CRACD: variants seen among roughly 807,000 people sequenced by gnomAD.
The protein encoded by CRACD is capping protein inhibiting regulator of actin dynamics, also known as capping protein-inhibiting regulator of actin dynamics.
CRACD carries 56 observed loss-of-function variants against 106.8 expected under a neutral mutation model. The observed-to-expected ratio is 0.52, with a 90% CI of 0.42 to 0.66. CRACD has a LOEUF of 0.66. Ranked by LOEUF, CRACD falls within the 30% of genes least tolerant of loss-of-function variation. The probability of loss-of-function intolerance (pLI) is 0.00; values close to 1 mark genes in which losing one functional copy is unlikely to be tolerated. For missense variants in CRACD, 1,730 were observed against 1,623.2 expected, an observed-to-expected ratio of 1.07 and a Z score of -1.13; for synonymous variants, 754 against 670.8, an observed-to-expected ratio of 1.12 and a Z score of -1.92.
chr4:56,241,332 A>G (rs1404592105), intron 2 of CRACD, among the ~76,000 whole-genome samples: 4 of 152,128 alleles, frequency 2.6e-5, no homozygotes, highest in African/African-American at 9.7e-5. Context: ...CAGTTCTCCA[A>G]GATAAACTTT....
intron 3 of CRACD, among the ~76,000 whole-genome samples, chr4:56,291,357 C>T (rs943837211): frequency 2.0e-5 from 3 of 152,204 alleles, no homozygotes; most frequent in Non-Finnish European, 2.9e-5. Flanking sequence ...TAAATTGCCT[C>T]TCCACCTCCC....
chr4:56,180,178 A>G (rs1577716560), intron 2 of CRACD, among the ~76,000 whole-genome samples: 1 of 151,972 alleles, frequency 6.6e-6, no homozygotes, highest in Non-Finnish European at 1.5e-5. Flanking sequence ...GGCATTCCTC[A>G]TCTGCCTCCC....
At chr4:56,112,881 T>C (rs1734165316) in intron 1 of CRACD, among the ~76,000 whole-genome samples, 3 of 152,136 alleles carry the variant, frequency 2.0e-5, no homozygotes, top group Non-Finnish European at 4.4e-5. Context: ...TCCTGCTGCA[T>C]CACATTATTG....
chr4:56,237,771 C>T (rs1444772203), intron 2 of CRACD, among the ~76,000 whole-genome samples: 1 of 151,286 alleles, frequency 6.6e-6, no homozygotes, highest in African/African-American at 2.4e-5. Flanking sequence ...CAAACACATA[C>T]ACATACACAT....
chr4:56,235,172 G>T (rs954787126), intron 2 of CRACD, among the ~76,000 whole-genome samples: 1 of 152,180 alleles, frequency 6.6e-6, no homozygotes, highest in Non-Finnish European at 1.5e-5. Flanking sequence ...GGAAAAAATT[G>T]TAAAAACACC....
At chr4:56,242,048 A>G (rs867516269) in intron 2 of CRACD, among the ~76,000 whole-genome samples, 2 of 152,192 alleles carry the variant, frequency 1.3e-5, no homozygotes, top group African/African-American at 4.8e-5. Flanking sequence ...TTGAATGACA[A>G]AGTAAGAAGC....
intron 1 of CRACD, among the ~76,000 whole-genome samples, chr4:56,059,965 T>A (rs1330006771): frequency 6.6e-6 from 1 of 152,198 alleles, no homozygotes; most frequent in African/African-American, 2.4e-5. Context: ...ATTACAGGTG[T>A]GAGCCACTGC....
chr4:56,278,147 T>A (rs1742785322), intron 3 of CRACD, among the ~76,000 whole-genome samples: 1 of 152,182 alleles, frequency 6.6e-6, no homozygotes, highest in Admixed American at 6.5e-5. Flanking sequence ...CCCCCAGAAA[T>A]TAGAAGTGGA....
chr4:56,104,962 G>A (rs1368253964), intron 1 of CRACD, among the ~76,000 whole-genome samples: 4 of 123,026 alleles, frequency 3.3e-5, no homozygotes, highest in Non-Finnish European at 6.5e-5. Flanking sequence ...GCAAGACTCC[G>A]TCTCAAAAAA....
In CRACD at chr4:56,292,305, G is replaced by A. The variant is rs573952341; in HGVS notation, c.-16-5909G>A. On this transcript the variant is annotated intron_variant, in intron 3 of 10. Transcript: ENST00000682029. ...AGTTTACACGCAGATATGCCAAGGA[G>A]GGGGACCTTAGGAAATAACCCAGGC... Among the ~76,000 whole-genome samples the A allele has an allele frequency of 7.9e-5, 12 of 152,326 alleles. No homozygotes were observed. In the East Asian group the frequency reaches 2.1e-3, roughly 27 times the overall value.
At chr4:56,167,229 GTAGAA>G (rs1243117964) in intron 1 of CRACD, among the ~76,000 whole-genome samples, 2 of 152,052 alleles carry the variant, frequency 1.3e-5, no homozygotes, top group Non-Finnish European at 2.9e-5. Context: ...TGTTATATCT[GTAGAA>G]CTATTAAAAA....
chr4:56,311,803 T>A (rs534774604), intron 6 of CRACD, among the ~76,000 whole-genome samples: 8 of 152,322 alleles, frequency 5.3e-5, no homozygotes, highest in African/African-American at 1.9e-4. Context: ...TCGGAGCTGC[T>A]GGCATAGTGC....
At chr4:56,084,243 C>T (rs1262020469) in intron 1 of CRACD, among the ~76,000 whole-genome samples, 7 of 152,100 alleles carry the variant, frequency 4.6e-5, no homozygotes, top group Admixed American at 3.3e-4. Flanking sequence ...TCACGAACTA[C>T]GTTTGGCTGA....
Position 56,057,799 on chromosome 4 carries a change from ATTTTTTTTTTTTTTGTTTTTTT to A in CRACD, c.-336+8515_-336+8536del, listed in dbSNP as rs1732131086. Among the ~76,000 whole-genome samples the A allele has an allele frequency of 4.6e-5, 2 of 43,482 alleles. 1 individual carries two copies. Among genetic ancestry groups the A allele is most frequent in the Non-Finnish European group, 9.1e-5 (2 of 21,940 alleles). 28.5% of individuals were successfully genotyped at this position (43,482 alleles called of 152,430 possible). A position where few individuals can be genotyped will look rare whatever the true frequency, so the allele number is the denominator to read the frequency against. ...CCACCACACCTGGCTCATTTTTTGT[ATTTTTTTTTTTTTTGTTTTTTT>A]TTTTTTTTTTTTTTTGAGACGGAGT... On this transcript the variant is annotated intron_variant, in intron 1 of 10. Transcript: ENST00000682029.
intron 2 of CRACD, among the ~76,000 whole-genome samples, chr4:56,257,941 G>A (rs1350026239): frequency 4.0e-5 from 6 of 151,822 alleles, no homozygotes; most frequent in African/African-American, 1.2e-4. Context: ...ATGGTGGCGC[G>A]TGCCTGTAGT....
At position 56,316,112 on chromosome 4, in the gene CRACD, G is replaced by GAAT; in HGVS notation, c.2611_2612insATA (p.Lys870_Arg871insAsn). Reference sequence around the variant, plus strand: ...AACAGGCAGAACAGAAGAAGAAGAAGAGGCACAGCAGCACCGGAGACAGCG... The same window carrying GAAT: ...AACAGGCAGAACAGAAGAAGAAGAAGAATAGGCACAGCAGCACCGGAGACAGCG... On this transcript the variant is annotated inframe_insertion, in exon 8 of 11. Transcript: ENST00000682029. The GAAT allele has an allele frequency of 6.2e-7, 1 of 1,614,176 alleles. No individual in the cohort carries two copies. Among genetic ancestry groups the GAAT allele is most frequent in the Non-Finnish European group, 8.5e-7 (1 of 1,180,048 alleles).
In CRACD at chr4:56,134,061, C is replaced by T. The variant is rs530407508; in HGVS notation, c.-335-45223C>T. Among the ~76,000 whole-genome samples the T allele has an allele frequency of 3.3e-5, 5 of 152,026 alleles. No individual in the cohort carries two copies. The East Asian group carries it at 7.8e-4, about 24-fold the overall frequency. ...ACAAAAAATACATAAATTAGCTGGA[C>T]GTGGTTGTGCACACCTGTAGTCCCA... is the stretch of plus-strand genomic sequence containing the variant. On this transcript the variant is annotated intron_variant, in intron 1 of 10. Coordinates refer to ENST00000682029, the MANE Select transcript of CRACD (RefSeq NM_001393381.1).
intron 3 of CRACD, 195 bp from the exon 4 acceptor site, chr4:56,298,019 T>C (rs1241190113): frequency 3.7e-6 from 2 of 539,658 alleles, no homozygotes; most frequent in East Asian, 6.1e-5. Flanking sequence ...GAACCAGGGC[T>C]ATGTAAGAGA....
At chr4:56,218,772 C>T (rs1480929816) in intron 2 of CRACD, among the ~76,000 whole-genome samples, 1 of 151,918 alleles carries the variant, frequency 6.6e-6, no homozygotes, top group Non-Finnish European at 1.5e-5. Context: ...CATGCCCAGC[C>T]TAGAAATTTT....
Sources: gnomAD v4.1 joint callset for allele counts (sites outside exome capture counted in the v4.1 genomes callset) on GRCh38, gnomAD v4.1.1 for gene constraint, MANE v1.5 for transcripts, NCBI Gene and HGNC (gene_info 2026-07-23, HGNC 2026-07-21) for gene names.